Variants in EFNA5 observed in about 807,000 individuals in gnomAD.
EFNA5 encodes the protein ephrin A5, also known as ephrin-A5.
A neutral mutation model predicts 22.9 loss-of-function variants in EFNA5; 5 were observed. The ratio of observed to expected loss-of-function variants is 0.22; its 90% CI spans 0.11 to 0.46. The LOEUF (loss-of-function observed/expected upper bound fraction) is 0.46. Among genes scored for constraint, EFNA5 ranks in the 20% least tolerant of loss-of-function variants. The probability of loss-of-function intolerance (pLI) is 0.99; values close to 1 mark genes in which losing one functional copy is unlikely to be tolerated. For missense variants in EFNA5, 237 were observed against 293.3 expected, an observed-to-expected ratio of 0.81 and a Z score of 1.40; for synonymous variants, 113 against 112.2, an observed-to-expected ratio of 1.01 and a Z score of -0.04.
intron 1 of EFNA5, among the ~76,000 whole-genome samples, chr5:107,449,330 G>A (rs1169025955): frequency 1.3e-5 from 2 of 151,338 alleles, no homozygotes; most frequent in African/African-American, 4.9e-5. Context: ...TCTAGTGACT[G>A]GTATGGAAGG....
Position 107,596,484 on chromosome 5 carries a change from T to C in EFNA5, c.125+74005A>G, listed in dbSNP as rs138351152. Among the ~76,000 whole-genome samples the C allele has an allele frequency of 2.0e-3, 302 of 152,308 alleles. 1 individual carries two copies. The highest frequency in any genetic ancestry group is 6.9e-3 in the African/African-American group (286 of 41,576). On this transcript the variant is annotated intron_variant, in intron 1 of 4. Coordinates refer to ENST00000333274, the MANE Select transcript of EFNA5 (RefSeq NM_001962.3). ...GATAATATTCCATGGTATATAAATATACGCCACATTTTCTTTATCCATTCA... is the reference window on the plus strand; with the variant it reads ...GATAATATTCCATGGTATATAAATACACGCCACATTTTCTTTATCCATTCA...
chr5:107,421,720 C>A (rs1748672081), intron 2 of EFNA5, among the ~76,000 whole-genome samples: 1 of 151,872 alleles, frequency 6.6e-6, no homozygotes, highest in Non-Finnish European at 1.5e-5. Context: ...TGTTTCTAAT[C>A]TGTTTTTAAA....
chr5:107,529,987 G>A (rs539141600), intron 1 of EFNA5, among the ~76,000 whole-genome samples: 1 of 152,308 alleles, frequency 6.6e-6, no homozygotes, highest in Non-Finnish European at 1.5e-5. Context: ...TAGGTTGAGT[G>A]CAAATTTTCT....
chr5:107,599,758 A>C (rs544268783), intron 1 of EFNA5, among the ~76,000 whole-genome samples: 1 of 152,314 alleles, frequency 6.6e-6, no homozygotes, highest in East Asian at 1.9e-4. Flanking sequence ...AAGAAGAATA[A>C]TTGCCAAAGT....
rs143877502 is a variant in EFNA5 at position 107,544,472 on chromosome 5, G to A, written c.126-116963C>T. ...TGCAAGGGCTTCTTACAGACCAGGA[G>A]CAAGGTTGTTCTTGAAGAGAGGTTG... is the stretch of plus-strand genomic sequence containing the variant. On this transcript the variant is annotated intron_variant, in intron 1 of 4. Transcript: ENST00000333274. Among the ~76,000 whole-genome samples the A allele has an allele frequency of 7.0e-4, 107 of 152,270 alleles. 1 individual carries two copies. Among genetic ancestry groups the A allele is most frequent in the African/African-American group, 2.5e-3 (102 of 41,548 alleles).
intron 1 of EFNA5, among the ~76,000 whole-genome samples, chr5:107,580,675 A>T (rs1010936169): frequency 2.1e-5 from 3 of 146,316 alleles, no homozygotes; most frequent in African/African-American, 7.6e-5. Context: ...GTGAGCCGAG[A>T]TGCGCCACTA....
At chr5:107,507,708 G>A (rs763459413) in intron 1 of EFNA5, among the ~76,000 whole-genome samples, 19 of 152,064 alleles carry the variant, frequency 1.2e-4, no homozygotes, top group Non-Finnish European at 1.0e-4. Flanking sequence ...GCATGGTAGC[G>A]CAGCTGTAGT....
chr5:107,518,216 C>T (rs1232677024), intron 1 of EFNA5, among the ~76,000 whole-genome samples: 1 of 151,776 alleles, frequency 6.6e-6, no homozygotes, highest in Non-Finnish European at 1.5e-5. Flanking sequence ...ACTTGATGCG[C>T]CTAATGCTCC....
intron 1 of EFNA5, among the ~76,000 whole-genome samples, chr5:107,495,485 A>C (rs2112419284): frequency 6.6e-6 from 1 of 152,380 alleles, no homozygotes; most frequent in East Asian, 1.9e-4. Flanking sequence ...TCTTGAAGTC[A>C]GTGAGACCAA....
intron 1 of EFNA5, among the ~76,000 whole-genome samples, chr5:107,591,905 TAATATAAAAAA>T (rs1460940210): frequency 2.4e-3 from 11 of 4,588 alleles, no homozygotes; most frequent in African/African-American, 0.011. Context: ...ATATAATATA[TAATATAAAAAA>T]TATATATATA....
intron 1 of EFNA5, among the ~76,000 whole-genome samples, chr5:107,573,724 C>T (rs958902339): frequency 6.6e-6 from 1 of 152,044 alleles, no homozygotes; most frequent in Non-Finnish European, 1.5e-5. Flanking sequence ...GAGAGTTCAA[C>T]CCTTACCTAT....
intron 1 of EFNA5, among the ~76,000 whole-genome samples, chr5:107,593,013 T>C (rs1298959575): frequency 1.3e-5 from 2 of 152,148 alleles, no homozygotes; most frequent in African/African-American, 4.8e-5. Context: ...GTGCAATATA[T>C]TAAAAGAGAT....
At chr5:107,465,434 A>C (rs180749634) in intron 1 of EFNA5, among the ~76,000 whole-genome samples, 3 of 152,302 alleles carry the variant, frequency 2.0e-5, no homozygotes, top group Admixed American at 2.0e-4. Context: ...TGGACAGCTC[A>C]TAACATGGCA....
chr5:107,614,190 A>T (rs1277438881), intron 1 of EFNA5, among the ~76,000 whole-genome samples: 1 of 152,130 alleles, frequency 6.6e-6, no homozygotes, highest in Non-Finnish European at 1.5e-5. Flanking sequence ...ACTAGTTCAC[A>T]GCAACTTCAG....
At chr5:107,573,455 G>A (rs1394733265) in intron 1 of EFNA5, among the ~76,000 whole-genome samples, 1 of 151,706 alleles carries the variant, frequency 6.6e-6, no homozygotes, top group South Asian at 2.1e-4. Context: ...AATCCTGTTG[G>A]CCGTAATTTT....
chr5:107,587,580 G>A (rs1227863419), intron 1 of EFNA5, among the ~76,000 whole-genome samples: 5 of 152,096 alleles, frequency 3.3e-5, no homozygotes, highest in South Asian at 2.1e-4. Context: ...ACAGTGGCGC[G>A]ATCTTGGCTC....
chr5:107,573,934 T>C (rs537816883), intron 1 of EFNA5, among the ~76,000 whole-genome samples: 3 of 152,324 alleles, frequency 2.0e-5, no homozygotes, highest in East Asian at 3.9e-4. Flanking sequence ...AAAGTAAGGA[T>C]TTTTATTCTT....
intron 1 of EFNA5, among the ~76,000 whole-genome samples, chr5:107,561,387 G>A (rs553641240): frequency 7.4e-4 from 112 of 151,994 alleles, no homozygotes; most frequent in Non-Finnish European, 1.4e-3. Flanking sequence ...TTTTTTTCTT[G>A]AGATGGAGTC....
intron 2 of EFNA5, among the ~76,000 whole-genome samples, chr5:107,426,769 T>A (rs1178591971): frequency 6.6e-6 from 1 of 152,218 alleles, no homozygotes; most frequent in Non-Finnish European, 1.5e-5. Flanking sequence ...GTATTTATCG[T>A]CAACATGCTG....
Sources: allele counts gnomAD v4.1 joint callset (sites outside exome capture counted in the v4.1 genomes callset), GRCh38; gene constraint gnomAD v4.1.1; transcripts MANE v1.5; gene names NCBI Gene and HGNC (gene_info 2026-07-23, HGNC 2026-07-21).